The following PPARG variants were observed in gnomAD, a reference collection of about 807,000 sequenced individuals.
PPARG encodes peroxisome proliferator-activated receptor gamma.
Under a neutral mutation model 39.2 loss-of-function variants are expected in PPARG, and 17 were observed. The observed-to-expected ratio is 0.43, with a 90% CI of 0.30 to 0.65. The LOEUF is 0.65. PPARG is among the 30% of genes least tolerant of loss of function. PPARG has a pLI of 0.13. For synonymous variants in PPARG, 223 were observed against 215.7 expected, an observed-to-expected ratio of 1.03 and a Z score of -0.30; for missense variants, 406 against 585.9, an observed-to-expected ratio of 0.69 and a Z score of 3.17.
chr3:12,288,465 G>A (rs1281149257), upstream of PPARG, among the ~76,000 whole-genome samples: 3 of 151,932 alleles, frequency 2.0e-5, no homozygotes, highest in African/African-American at 7.2e-5. Flanking sequence ...GGGGACACGG[G>A]GACCTCCGCG....
intron 5 of PPARG, among the ~76,000 whole-genome samples, chr3:12,403,556 A>G (rs1045293331): frequency 1.3e-5 from 2 of 151,958 alleles, no homozygotes; most frequent in Non-Finnish European, 2.9e-5. Flanking sequence ...GGGTCTCTCT[A>G]TGTTGCCCAG....
rs2048332737 is a variant in PPARG, at chr3:12,346,565, T to G, written c.-8-33139T>G. ...AGGCTTTCTGGCTCCAATGTCAGTG[T>G]TCTTTTCTACTGCTTCTGAGTTAAG... On this transcript the variant is annotated intron_variant, in intron 2 of 7. Transcript: ENST00000651735. Among the ~76,000 whole-genome samples the G allele has an allele frequency of 3.9e-5, 6 of 152,160 alleles. No homozygotes were observed. In the South Asian group the frequency reaches 1.2e-3, roughly 31 times the overall value.
intron 5 of PPARG, among the ~76,000 whole-genome samples, chr3:12,397,667 C>G (rs896229263): frequency 6.6e-6 from 1 of 152,028 alleles, no homozygotes; most frequent in Non-Finnish European, 1.5e-5. Context: ...ACCTCAGCCT[C>G]TCAAAGTGCT....
chr3:12,338,729 A>G (rs1194930930), intron 2 of PPARG, among the ~76,000 whole-genome samples: 2 of 152,196 alleles, frequency 1.3e-5, no homozygotes, highest in African/African-American at 4.8e-5. Context: ...TCTTCTGTGA[A>G]ACATTCCTTT....
At chr3:12,292,773 G>T (rs2046678346) in intron 1 of PPARG, among the ~76,000 whole-genome samples, 1 of 152,194 alleles carries the variant, frequency 6.6e-6, no homozygotes, top group Admixed American at 6.5e-5. Flanking sequence ...ACTGGTAACA[G>T]CACACGGGGT....
In PPARG at chr3:12,420,699, C is replaced by G. The variant is rs529217322; in HGVS notation, c.1180+3545C>G. ...AGAGGAGATTTTTAGATGAAAGTAA[C>G]TGATTTGACCCAACTCAGTATTTGC... is the stretch of plus-strand genomic sequence containing the variant. On this transcript the variant is annotated intron_variant, in intron 7 of 7. Coordinates refer to ENST00000651735, the MANE Select transcript of PPARG (RefSeq NM_138711.6). Among the ~76,000 whole-genome samples, 3 of 152,300 alleles carry G rather than the reference C, an allele frequency of 2.0e-5. No individual in the cohort carries two copies. The South Asian group carries it at 6.2e-4, about 32-fold the overall frequency.
intron 2 of PPARG, among the ~76,000 whole-genome samples, chr3:12,335,121 C>G (rs926957426): frequency 6.6e-6 from 1 of 152,292 alleles, no homozygotes; most frequent in South Asian, 2.1e-4. Flanking sequence ...GTTAGGAATT[C>G]ACTATTGAGA....
At position 12,401,687 on chromosome 3, in the gene PPARG, T is replaced by C. The variant is rs144424972; in HGVS notation, c.530-4195T>C. Among the ~76,000 whole-genome samples the C allele has an allele frequency of 3.5e-3, 539 of 152,308 alleles. 2 individuals carry two copies. The highest frequency in any genetic ancestry group is 8.4e-3 in the African/African-American group (349 of 41,566). ...CAATTTCAGATTTGTGTATGTTTTA[T>C]GGGAATTTAGTCTCACCAAATGGGA... On this transcript the variant is annotated intron_variant, in intron 5 of 7. Coordinates refer to ENST00000651735, the MANE Select transcript of PPARG (RefSeq NM_138711.6).
At chr3:12,289,889 A>G (rs1018794174) in intron 1 of PPARG, among the ~76,000 whole-genome samples, 12 of 152,312 alleles carry the variant, frequency 7.9e-5, no homozygotes, top group Admixed American at 1.3e-4. Flanking sequence ...ATTTTCAATC[A>G]GATTCACTTT....
intron 2 of PPARG, among the ~76,000 whole-genome samples, chr3:12,356,426 A>G (rs2048668497): frequency 6.6e-6 from 1 of 152,160 alleles, no homozygotes; most frequent in Non-Finnish European, 1.5e-5. Context: ...TTGCCAACAC[A>G]AGATCGAGGT....
At chr3:12,309,528 T>C (rs1401260875) in intron 1 of PPARG, among the ~76,000 whole-genome samples, 1 of 152,236 alleles carries the variant, frequency 6.6e-6, no homozygotes, top group African/African-American at 2.4e-5. Flanking sequence ...TTAATATCAG[T>C]GTTATGACAC....
chr3:12,414,643 C>T (rs1178613247), intron 6 of PPARG, among the ~76,000 whole-genome samples: 3 of 151,906 alleles, frequency 2.0e-5, no homozygotes, highest in Non-Finnish European at 4.4e-5. Context: ...AAATTTTCAT[C>T]GATGTTACTT....
In PPARG at chr3:12,417,164, G is replaced by A; in HGVS notation, c.1180+10G>A. ...ATTATTCTCAGTGGAGGTAAGATTT[G>A]TCTTTTGATCTTCTATGAAAGAGGG... On this transcript the variant is annotated intron_variant, in intron 7 of 7. Transcript: ENST00000651735. 1 of 1,612,628 alleles carries A rather than the reference G, an allele frequency of 6.2e-7. No individual in the cohort carries two copies. The highest frequency in any genetic ancestry group is 8.5e-7 in the Non-Finnish European group (1 of 1,179,626).
intron 1 of PPARG, among the ~76,000 whole-genome samples, chr3:12,293,556 A>G (rs2046702509): frequency 6.6e-6 from 1 of 152,192 alleles, no homozygotes; most frequent in African/African-American, 2.4e-5. Flanking sequence ...GGAATGTACC[A>G]GGTCTGTATA....
chr3:12,343,200 A>G (rs114150839), intron 2 of PPARG, among the ~76,000 whole-genome samples: 40 of 152,182 alleles, frequency 2.6e-4, no homozygotes, highest in African/African-American at 8.9e-4. Context: ...GGTGCCCAAT[A>G]CCATGGATTC....
chr3:12,415,550 A>G (rs747973836), intron 6 of PPARG, among the ~76,000 whole-genome samples: 2 of 152,138 alleles, frequency 1.3e-5, no homozygotes, highest in African/African-American at 2.4e-5. Context: ...CAAGGGAAGT[A>G]AAAGAGAGAG....
chr3:12,328,400 G>T, intron 2 of PPARG: 2 of 628,304 alleles, frequency 3.2e-6, no homozygotes, highest in Non-Finnish European at 2.8e-6. Flanking sequence ...GCCTGGCAAC[G>T]TCACATTTTC....
intron 2 of PPARG, 49 bp from the exon 3 acceptor site, chr3:12,379,655 C>A: frequency 6.7e-7 from 1 of 1,497,058 alleles, no homozygotes; most frequent in Non-Finnish European, 9.3e-7. Flanking sequence ...TGTGAGATTG[C>A]TGTGTTCTCT....
At chr3:12,338,227 A>C (rs1330734960) in intron 2 of PPARG, among the ~76,000 whole-genome samples, 1 of 152,240 alleles carries the variant, frequency 6.6e-6, no homozygotes, top group African/African-American at 2.4e-5. Context: ...TGAAAGGCTC[A>C]ATGAGATTAA....
Sources: gnomAD v4.1 joint callset for allele counts (sites outside exome capture counted in the v4.1 genomes callset) on GRCh38, gnomAD v4.1.1 for gene constraint, MANE v1.5 for transcripts, NCBI Gene and HGNC (gene_info 2026-07-23, HGNC 2026-07-21) for gene names.